SYT9: variants seen among roughly 807,000 people sequenced by gnomAD.
The protein encoded by SYT9 is synaptotagmin 9.
A neutral mutation model predicts 48.4 loss-of-function variants in SYT9; 22 were observed. The observed-to-expected ratio is 0.45, with a 90% CI of 0.32 to 0.65. The LOEUF is 0.65. SYT9 is among the 30% of genes least tolerant of loss of function. The pLI, the probability that SYT9 is intolerant of heterozygous loss-of-function variation, is 0.03. For synonymous variants in SYT9, 265 were observed against 245.0 expected, an observed-to-expected ratio of 1.08 and a Z score of -0.76; for missense variants, 577 against 622.0, an observed-to-expected ratio of 0.93 and a Z score of 0.77.
At chr11:7,300,341 C>A (rs1208181481) in intron 1 of SYT9, among the ~76,000 whole-genome samples, 1 of 152,210 alleles carries the variant, frequency 6.6e-6, no homozygotes, top group African/African-American at 2.4e-5. Flanking sequence ...GCTCTTTTCT[C>A]ATGCAGAATG....
At chr11:7,441,552 A>T (rs1332066131) in intron 6 of SYT9, 1 of 152,184 alleles carries the variant, frequency 6.6e-6, no homozygotes, top group Non-Finnish European at 1.5e-5. Flanking sequence ...CCGGGATTGT[A>T]GATTCTGTGG....
At chr11:7,373,887 T>C (rs1343391596) in intron 3 of SYT9, among the ~76,000 whole-genome samples, 2 of 152,076 alleles carry the variant, frequency 1.3e-5, no homozygotes, top group Non-Finnish European at 2.9e-5. Context: ...TGTCCAACAT[T>C]CTTTTTACAT....
chr11:7,424,904 C>T lies in SYT9; in HGVS notation c.1467+4269C>T, dbSNP rs77805787. ...CTCTTCAACTCAGAATTACATAATGCCAAGTATAACCAGAAGGCAGTTATG... is the reference window on the plus strand; with the variant it reads ...CTCTTCAACTCAGAATTACATAATGTCAAGTATAACCAGAAGGCAGTTATG... On this transcript the variant is annotated intron_variant, in intron 6 of 6. Transcript: ENST00000318881. Among the ~76,000 whole-genome samples the T allele has an allele frequency of 2.2e-3, 335 of 152,310 alleles. 10 individuals are homozygous for T. In the East Asian group the frequency reaches 0.059, roughly 27 times the overall value.
intron 3 of SYT9, among the ~76,000 whole-genome samples, chr11:7,364,468 T>C (rs10839773): frequency 0.41 from 62,644 of 152,062 alleles, 13,308 homozygotes; most frequent in African/African-American, 0.44. Flanking sequence ...TGTGATTATT[T>C]TCATTCTATA....
At chr11:7,382,412 C>T (rs1279858082) in intron 3 of SYT9, among the ~76,000 whole-genome samples, 1 of 152,026 alleles carries the variant, frequency 6.6e-6, no homozygotes, top group African/African-American at 2.4e-5. Flanking sequence ...TAGCTTTAGC[C>T]ACTGAGAGGA....
chr11:7,398,967 G>A (rs1303072690), intron 3 of SYT9, among the ~76,000 whole-genome samples: 2 of 152,140 alleles, frequency 1.3e-5, no homozygotes, highest in African/African-American at 4.8e-5. Context: ...CCAAACAGCA[G>A]GTTCTCCCAT....
intron 3 of SYT9, among the ~76,000 whole-genome samples, chr11:7,393,153 GA>G (rs1846670143): frequency 6.6e-6 from 1 of 152,084 alleles, no homozygotes; most frequent in African/African-American, 2.4e-5. Flanking sequence ...GAAGTGGTGA[GA>G]GTAGGCATCC....
chr11:7,285,415 C>T (rs929531755), intron 1 of SYT9, among the ~76,000 whole-genome samples: 1 of 152,162 alleles, frequency 6.6e-6, no homozygotes, highest in Non-Finnish European at 1.5e-5. Flanking sequence ...ATCATGAGAA[C>T]AGCATGGAGG....
rs566603866 is a variant in SYT9 at position 7,339,373 on chromosome 11, T to C, written c.1044+25432T>C. Among the ~76,000 whole-genome samples the C allele has an allele frequency of 8.0e-4, 122 of 152,316 alleles. 1 individual carries two copies. Among genetic ancestry groups the C allele is most frequent in the African/African-American group, 2.9e-3 (122 of 41,580 alleles). ...TACATTCAAGGTTAATATTGATATA[T>C]GTGCATTTGATCCTGTCATTGTGTT... On this transcript the variant is annotated intron_variant, in intron 3 of 6. Coordinates refer to ENST00000318881, the MANE Select transcript of SYT9 (RefSeq NM_175733.4).
chr11:7,432,177 G>T (rs1350398586), intron 6 of SYT9, among the ~76,000 whole-genome samples: 1 of 152,186 alleles, frequency 6.6e-6, no homozygotes, highest in African/African-American at 2.4e-5. Context: ...AGCTGCCCAA[G>T]GCCTTGGGGG....
At chr11:7,448,168 C>A (rs557008025) in intron 6 of SYT9, among the ~76,000 whole-genome samples, 21 of 152,332 alleles carry the variant, frequency 1.4e-4, no homozygotes, top group African/African-American at 4.8e-4. Context: ...GGATATTTCA[C>A]AAATATCCTA....
chr11:7,399,086 C>T (rs1483337805), intron 3 of SYT9, among the ~76,000 whole-genome samples: 2 of 152,124 alleles, frequency 1.3e-5, no homozygotes, highest in African/African-American at 4.8e-5. Context: ...GGCCTGCAGA[C>T]ACCCCTATGG....
chr11:7,411,053 C>T (rs1372672837), intron 3 of SYT9, among the ~76,000 whole-genome samples: 2 of 152,128 alleles, frequency 1.3e-5, no homozygotes, highest in Admixed American at 1.3e-4. Context: ...CGGGGTTTCA[C>T]CATGTTGGCC....
intron 3 of SYT9, among the ~76,000 whole-genome samples, chr11:7,408,725 G>A (rs2134086463): frequency 6.6e-6 from 1 of 152,208 alleles, no homozygotes; most frequent in Non-Finnish European, 1.5e-5. Context: ...AGAGTTTTTT[G>A]GTGGAGTCTA....
intron 6 of SYT9, chr11:7,444,253 T>C (rs61699913): frequency 0.15 from 22,336 of 152,262 alleles, 1,838 homozygotes; most frequent in African/African-American, 0.19. Flanking sequence ...GGCACCAGGA[T>C]GTAGAACAAT....
chr11:7,348,936 G>A (rs772250593), intron 3 of SYT9, among the ~76,000 whole-genome samples: 3 of 151,854 alleles, frequency 2.0e-5, no homozygotes, highest in Admixed American at 6.6e-5. Flanking sequence ...AACTCCTCAC[G>A]CTGAGGAGGT....
intron 3 of SYT9, among the ~76,000 whole-genome samples, chr11:7,406,733 A>G (rs1348495011): frequency 2.6e-5 from 4 of 151,996 alleles, no homozygotes; most frequent in Non-Finnish European, 2.9e-5. Flanking sequence ...GCTGGATCAT[A>G]TGGTAGTTCT....
chr11:7,381,361 A>G (rs1005273782), intron 3 of SYT9, among the ~76,000 whole-genome samples: 1 of 152,222 alleles, frequency 6.6e-6, no homozygotes, highest in Admixed American at 6.5e-5. Flanking sequence ...AATCAATCCC[A>G]GTAGCATGCA....
At chr11:7,323,064 G>T (rs890210887) in intron 3 of SYT9, among the ~76,000 whole-genome samples, 1 of 151,878 alleles carries the variant, frequency 6.6e-6, no homozygotes, top group East Asian at 1.9e-4. Context: ...ATATTATATG[G>T]TCTACAACAA....
Sources: gnomAD v4.1 joint callset for allele counts (sites outside exome capture counted in the v4.1 genomes callset) on GRCh38, gnomAD v4.1.1 for gene constraint, MANE v1.5 for transcripts, NCBI Gene and HGNC (gene_info 2026-07-23, HGNC 2026-07-21) for gene names.